GRID2: variants seen among roughly 807,000 people sequenced by gnomAD.
The protein encoded by GRID2 is glutamate ionotropic receptor delta type subunit 2, also known as glutamate receptor ionotropic, delta-2.
GRID2 carries 33 observed loss-of-function variants against 114.8 expected under a neutral mutation model. The ratio of observed to expected loss-of-function variants is 0.29; its 90% CI spans 0.22 to 0.38. The LOEUF (loss-of-function observed/expected upper bound fraction) is 0.38, where lower values mean the gene tolerates loss of function less well. GRID2 is among the 10% of genes least tolerant of loss of function. The pLI is 1.00. For synonymous variants in GRID2, 505 were observed against 449.9 expected, an observed-to-expected ratio of 1.12 and a Z score of -1.55; for missense variants, 1,184 against 1,257.7, an observed-to-expected ratio of 0.94 and a Z score of 0.89.
chr4:92,371,063 C>T (rs1391055005), intron 1 of GRID2, among the ~76,000 whole-genome samples: 1 of 152,052 alleles, frequency 6.6e-6, no homozygotes, highest in Non-Finnish European at 1.5e-5. Context: ...AATAAAAGAC[C>T]TAAATCTCTT....
intron 2 of GRID2, 55 bp from the exon 3 acceptor site, chr4:93,084,940 G>C: frequency 6.9e-7 from 1 of 1,441,180 alleles, no homozygotes; most frequent in East Asian, 2.3e-5. Flanking sequence ...TTCTCAAAAA[G>C]GGAAAACTAT....
chr4:92,916,050 G>A (rs952797937), intron 2 of GRID2, among the ~76,000 whole-genome samples: 2 of 151,786 alleles, frequency 1.3e-5, no homozygotes, highest in Non-Finnish European at 2.9e-5. Flanking sequence ...TTTTCTTTGC[G>A]ATGCGTAAAC....
chr4:92,973,282 T>C (rs1180073495), intron 2 of GRID2, among the ~76,000 whole-genome samples: 1 of 152,154 alleles, frequency 6.6e-6, no homozygotes, highest in Non-Finnish European at 1.5e-5. Context: ...CCATCTATAT[T>C]TTCCCACCTT....
intron 13 of GRID2, among the ~76,000 whole-genome samples, chr4:93,595,914 ATATT>A (rs1213069737): frequency 1.3e-5 from 2 of 152,180 alleles, no homozygotes; most frequent in East Asian, 3.9e-4. Context: ...ACTGTGCTAG[ATATT>A]TATTTTTCTT....
At chr4:92,797,852 G>A (rs1445996907) in intron 2 of GRID2, among the ~76,000 whole-genome samples, 4 of 151,794 alleles carry the variant, frequency 2.6e-5, no homozygotes, top group East Asian at 3.9e-4. Context: ...ATACCCAAAT[G>A]TACAAATGCA....
rs558164716 is a variant in GRID2 at position 93,421,092 on chromosome 4, C to T, written c.1348-1679C>T. 1.1e-4 allele frequency among the ~76,000 whole-genome samples: 17 copies of T among 152,262 alleles called. No individual in the cohort carries two copies. In the South Asian group the frequency reaches 2.7e-3, roughly 24 times the overall value. Reference sequence around the variant, plus strand: ...TGGCCCAAGTGTTGTACAGCATTTTCAGTGTCAGGGACATAGACTTCTCTC... The same window carrying T: ...TGGCCCAAGTGTTGTACAGCATTTTTAGTGTCAGGGACATAGACTTCTCTC... On this transcript the variant is annotated intron_variant, in intron 9 of 15. Transcript: ENST00000282020.
chr4:92,902,500 A>G (rs1018514579), intron 2 of GRID2, among the ~76,000 whole-genome samples: 4 of 151,874 alleles, frequency 2.6e-5, no homozygotes, highest in Non-Finnish European at 5.9e-5. Flanking sequence ...TTTTAGTTTA[A>G]GTTCCATTTG....
At chr4:92,890,839 A>T (rs1020247590) in intron 2 of GRID2, among the ~76,000 whole-genome samples, 1 of 152,216 alleles carries the variant, frequency 6.6e-6, no homozygotes, top group Non-Finnish European at 1.5e-5. Context: ...CACTATTCAC[A>T]ATAGCAAAAA....
At chr4:92,445,916 A>C (rs1733435595) in intron 1 of GRID2, among the ~76,000 whole-genome samples, 1 of 152,136 alleles carries the variant, frequency 6.6e-6, no homozygotes, top group Non-Finnish European at 1.5e-5. Flanking sequence ...TTTTGTTACT[A>C]AAATCAGTAT....
intron 2 of GRID2, among the ~76,000 whole-genome samples, chr4:92,884,144 C>T (rs897611926): frequency 6.6e-6 from 1 of 152,208 alleles, no homozygotes; most frequent in African/African-American, 2.4e-5. Context: ...GCACCTGCTG[C>T]TTCACTTTAT....
chr4:93,264,714 A>ATATATATATG (rs1236337637), intron 8 of GRID2, among the ~76,000 whole-genome samples: 1 of 139,926 alleles, frequency 7.1e-6, no homozygotes. Flanking sequence ...TGAATGATAT[A>ATATATATATG]TATATATATA....
At chr4:93,521,747 G>A (rs1054007069) in intron 13 of GRID2, among the ~76,000 whole-genome samples, 2 of 152,040 alleles carry the variant, frequency 1.3e-5, no homozygotes, top group African/African-American at 4.8e-5. Context: ...GAATCACCAA[G>A]AATAAACACA....
intron 2 of GRID2, among the ~76,000 whole-genome samples, chr4:92,849,180 G>T (rs1233796777): frequency 6.6e-6 from 1 of 151,872 alleles, no homozygotes; most frequent in East Asian, 1.9e-4. Context: ...ATGAAAAAGA[G>T]GTGTTTCTGA....
At chr4:92,676,219 C>G (rs1346336283) in intron 2 of GRID2, among the ~76,000 whole-genome samples, 3 of 85,088 alleles carry the variant, frequency 3.5e-5, no homozygotes, top group African/African-American at 1.4e-4. Context: ...CTCGCTCTGT[C>G]GCCCAGGCTG....
At chr4:92,326,121 C>T (rs1419141002) in intron 1 of GRID2, among the ~76,000 whole-genome samples, 1 of 151,770 alleles carries the variant, frequency 6.6e-6, no homozygotes, top group Non-Finnish European at 1.5e-5. Flanking sequence ...AACTGATTTA[C>T]CAACTGTTCT....
At chr4:92,383,302 T>A (rs1729707686) in intron 1 of GRID2, among the ~76,000 whole-genome samples, 1 of 151,954 alleles carries the variant, frequency 6.6e-6, no homozygotes, top group African/African-American at 2.4e-5. Flanking sequence ...GCAAAACTTG[T>A]CTAATAAACT....
At chr4:92,646,669 A>G (rs1182521866) in intron 2 of GRID2, among the ~76,000 whole-genome samples, 1 of 152,228 alleles carries the variant, frequency 6.6e-6, no homozygotes, top group Non-Finnish European at 1.5e-5. Flanking sequence ...ATTAAAATGT[A>G]AACAAATGTA....
chr4:93,300,688 C>A (rs1754775556), intron 8 of GRID2, among the ~76,000 whole-genome samples: 1 of 152,166 alleles, frequency 6.6e-6, no homozygotes, highest in African/African-American at 2.4e-5. Flanking sequence ...GCAGACAAAA[C>A]CTCTCAGACA....
intron 8 of GRID2, among the ~76,000 whole-genome samples, chr4:93,281,226 A>G (rs924669910): frequency 6.6e-6 from 1 of 151,808 alleles, no homozygotes; most frequent in Non-Finnish European, 1.5e-5. Context: ...AAAAATTGGA[A>G]GGAAGTGAGG....
Sources: allele counts gnomAD v4.1 joint callset (sites outside exome capture counted in the v4.1 genomes callset), GRCh38; gene constraint gnomAD v4.1.1; transcripts MANE v1.5; gene names NCBI Gene and HGNC (gene_info 2026-07-23, HGNC 2026-07-21).